The following PRKG2 variants were observed in gnomAD, a reference collection of about 807,000 sequenced individuals.
PRKG2 encodes cGMP-dependent protein kinase 2.
Under a neutral mutation model 97.2 loss-of-function variants are expected in PRKG2, and 33 were observed. The observed-to-expected ratio is 0.34, with a 90% CI of 0.26 to 0.45. PRKG2 has a LOEUF of 0.45. PRKG2 is among the 20% of genes least tolerant of loss of function. The probability of loss-of-function intolerance (pLI) is 1.00; values close to 1 mark genes in which losing one functional copy is unlikely to be tolerated. For missense variants in PRKG2, 638 were observed against 900.0 expected, an observed-to-expected ratio of 0.71 and a Z score of 3.73; for synonymous variants, 330 against 321.8, an observed-to-expected ratio of 1.03 and a Z score of -0.27.
intron 6 of PRKG2, among the ~76,000 whole-genome samples, chr4:81,163,418 C>G (rs1044534535): frequency 1.3e-5 from 2 of 152,132 alleles, no homozygotes; most frequent in African/African-American, 2.4e-5. Context: ...GGTTTTCAAG[C>G]ATGTTTTAAT....
chr4:81,111,144 A>G (rs766311054), intron 14 of PRKG2, among the ~76,000 whole-genome samples: 2 of 152,150 alleles, frequency 1.3e-5, no homozygotes, highest in Non-Finnish European at 2.9e-5. Context: ...TTTAAAAACC[A>G]TCATACACAA....
chr4:81,145,641 C>T (rs778839652), intron 9 of PRKG2, among the ~76,000 whole-genome samples: 16 of 152,118 alleles, frequency 1.1e-4, no homozygotes, highest in South Asian at 8.3e-4. Context: ...CTTTTCCTCA[C>T]CAGTGAAAGG....
intron 9 of PRKG2, among the ~76,000 whole-genome samples, 160 bp from the exon 10 acceptor site, chr4:81,144,490 G>C (rs1747611984): frequency 6.6e-6 from 1 of 151,642 alleles, no homozygotes; most frequent in Admixed American, 6.6e-5. Context: ...ATGTACAAGG[G>C]TTATTAAAAG....
intron 2 of PRKG2, among the ~76,000 whole-genome samples, chr4:81,202,726 T>G (rs1753392977): frequency 8.5e-6 from 1 of 117,694 alleles, no homozygotes; most frequent in Admixed American, 7.8e-5. Flanking sequence ...TGTATATAAC[T>G]ACTGATTTTT....
intron 17 of PRKG2, among the ~76,000 whole-genome samples, chr4:81,096,440 G>A (rs1163726587): frequency 6.6e-6 from 1 of 152,098 alleles, no homozygotes; most frequent in Admixed American, 6.6e-5. Flanking sequence ...GGAGGCTAAG[G>A]CAGGAAGATC....
chr4:81,199,696 C>A (rs1251078170), intron 2 of PRKG2, among the ~76,000 whole-genome samples: 1 of 152,164 alleles, frequency 6.6e-6, no homozygotes, highest in Non-Finnish European at 1.5e-5. Flanking sequence ...TGGAAACATT[C>A]CTCTTCAATA....
At chr4:81,144,964 T>C (rs1199242425) in intron 9 of PRKG2, among the ~76,000 whole-genome samples, 1 of 152,062 alleles carries the variant, frequency 6.6e-6, no homozygotes, top group African/African-American at 2.4e-5. Flanking sequence ...TGCACAGTAT[T>C]CCGTGGTGTA....
chr4:81,170,743 C>T (rs1750396445), intron 4 of PRKG2, among the ~76,000 whole-genome samples: 1 of 151,992 alleles, frequency 6.6e-6, no homozygotes, highest in Non-Finnish European at 1.5e-5. Context: ...AAAGTAATCC[C>T]AAAAGTCATT....
intron 1 of PRKG2, among the ~76,000 whole-genome samples, chr4:81,209,745 CTT>C (rs1307733888): frequency 6.6e-6 from 1 of 151,994 alleles, no homozygotes; most frequent in Admixed American, 6.6e-5. Flanking sequence ...AGAGGAAAAA[CTT>C]ATTGAACTGA....
At chr4:81,189,090 A>AG (rs1752222767) in intron 2 of PRKG2, among the ~76,000 whole-genome samples, 3 of 117,554 alleles carry the variant, frequency 2.6e-5, no homozygotes, top group South Asian at 2.7e-4. Flanking sequence ...AAAAAAAAAA[A>AG]AAGAAGCTAG....
intron 17 of PRKG2, among the ~76,000 whole-genome samples, chr4:81,096,543 A>T (rs1356784019): frequency 2.0e-5 from 3 of 152,120 alleles, no homozygotes; most frequent in Non-Finnish European, 4.4e-5. Flanking sequence ...TAAATAAATA[A>T]TCAAATAAAT....
chr4:81,155,412 A>G (rs1748969077), intron 6 of PRKG2, among the ~76,000 whole-genome samples: 2 of 152,178 alleles, frequency 1.3e-5, no homozygotes, highest in Non-Finnish European at 1.5e-5. Flanking sequence ...AAAGCCTCCA[A>G]GAAATATGGG....
At chr4:81,216,891 TTGTG>T (rs68179456), upstream of PRKG2, among the ~76,000 whole-genome samples, 8,668 of 131,412 alleles carry the variant, frequency 0.066, 330 homozygotes, top group Middle Eastern at 0.087. Flanking sequence ...TAGTATTCCA[TTGTG>T]TGTGTGTGTG....
intron 6 of PRKG2, among the ~76,000 whole-genome samples, chr4:81,160,227 G>A (rs1217961356): frequency 6.6e-6 from 1 of 152,154 alleles, no homozygotes; most frequent in Non-Finnish European, 1.5e-5. Flanking sequence ...TTACACACCT[G>A]TTTTAGCATT....
rs537696889 is a variant in PRKG2, at chr4:81,190,913, C to A, written c.461+13674G>T. Among the ~76,000 whole-genome samples the A allele has an allele frequency of 2.0e-5, 3 of 152,172 alleles. No individual in the cohort carries two copies. The East Asian group carries it at 5.8e-4, about 29-fold the overall frequency. ...ATCTCATGCCAGGTAGAATGGTGAT[C>A]ATTAAAAAGTCAGGAAACAACAGAT... On this transcript the variant is annotated intron_variant, in intron 2 of 18. Transcript: ENST00000264399.
intron 17 of PRKG2, 37 bp from the exon 18 acceptor site, chr4:81,092,489 G>GAAGGAAGGAAGT (rs1560527461): frequency 3.0e-6 from 3 of 994,914 alleles, no homozygotes; most frequent in Non-Finnish European, 4.6e-6. Context: ...AGGAAGGAAG[G>GAAGGAAGGAAGT]AAGGAAGGAA....
intron 5 of PRKG2, among the ~76,000 whole-genome samples, chr4:81,167,597 G>A (rs959077704): frequency 6.6e-6 from 1 of 152,140 alleles, no homozygotes; most frequent in East Asian, 1.9e-4. Context: ...TAGTTTGTGC[G>A]AGGAGCTCTG....
intron 14 of PRKG2, among the ~76,000 whole-genome samples, chr4:81,131,863 T>C (rs901594756): frequency 2.0e-5 from 3 of 152,202 alleles, no homozygotes; most frequent in African/African-American, 7.2e-5. Flanking sequence ...TGTCTTGATA[T>C]TGATAGTACA....
At position 81,119,713 on chromosome 4, in the gene PRKG2, T is replaced by C. The variant is rs533937206; in HGVS notation, c.1777-9102A>G. ...TTTTTTAGGCGGAGTCTTGCTCTGT[T>C]GCCCAGGCTGGAGTGCAGTGGTGAG... On this transcript the variant is annotated intron_variant, in intron 14 of 18. Coordinates refer to ENST00000264399, the MANE Select transcript of PRKG2 (RefSeq NM_006259.3). Among the ~76,000 whole-genome samples the C allele has an allele frequency of 1.6e-3, 237 of 152,008 alleles. 2 individuals carry two copies. The highest frequency in any genetic ancestry group is 4.6e-3 in the South Asian group (22 of 4,804).
Sources: allele counts gnomAD v4.1 joint callset (sites outside exome capture counted in the v4.1 genomes callset), GRCh38; gene constraint gnomAD v4.1.1; transcripts MANE v1.5; gene names NCBI Gene and HGNC (gene_info 2026-07-23, HGNC 2026-07-21).